The following CCSER1 variants were observed in gnomAD, a reference collection of about 807,000 sequenced individuals.
CCSER1 encodes the protein coiled-coil serine rich protein 1, also known as serine-rich coiled-coil domain-containing protein 1.
CCSER1 carries 41 observed loss-of-function variants against 82.0 expected under a neutral mutation model. The ratio of observed to expected loss-of-function variants is 0.50; its 90% CI spans 0.39 to 0.65. The LOEUF (loss-of-function observed/expected upper bound fraction) is 0.65. Ranked by LOEUF, CCSER1 falls within the 30% of genes least tolerant of loss-of-function variation. CCSER1 has a pLI of 0.00. For missense variants in CCSER1, 1,119 were observed against 1,064.2 expected (o/e 1.05, Z -0.72); for synonymous variants, 414 against 383.9 (o/e 1.08, Z -0.92).
Position 91,094,932 on chromosome 4 carries a change from G to A in CCSER1, c.2217+8938G>A, listed in dbSNP as rs542056248. 7.2e-4 allele frequency among the ~76,000 whole-genome samples: 110 copies of A among 152,250 alleles called. No individual in the cohort carries two copies. The South Asian group carries it at 0.022, about 31-fold the overall frequency. Reference sequence around the variant, plus strand: ...AAGTCTCTCCCTAAAAAGGCAAGGGGCAATCAGGTATATACAGAAATTGAT... The same window carrying A: ...AAGTCTCTCCCTAAAAAGGCAAGGGACAATCAGGTATATACAGAAATTGAT... On this transcript the variant is annotated intron_variant, in intron 10 of 10. Coordinates refer to ENST00000509176, the MANE Select transcript of CCSER1 (RefSeq NM_001145065.2).
chr4:90,818,476 C>T (rs1759326478), intron 8 of CCSER1, among the ~76,000 whole-genome samples: 1 of 152,002 alleles, frequency 6.6e-6, no homozygotes, highest in South Asian at 2.1e-4. Flanking sequence ...CGAGGTTTCG[C>T]CATGTTGGCT....
At chr4:90,661,996 C>T (rs3925223) in intron 6 of CCSER1, among the ~76,000 whole-genome samples, 8 of 143,070 alleles carry the variant, frequency 5.6e-5, no homozygotes, top group Non-Finnish European at 7.6e-5. Context: ...TTGTTTCTTT[C>T]TTTCTTTTTT....
At chr4:90,533,476 C>CAGA (rs2153631813) in intron 5 of CCSER1, among the ~76,000 whole-genome samples, 1 of 152,318 alleles carries the variant, frequency 6.6e-6, no homozygotes, top group East Asian at 1.9e-4. Context: ...TAAGGGCCAT[C>CAGA]AGAAGCCTGA....
chr4:91,408,950 G>A (rs1156536633), intron 10 of CCSER1, among the ~76,000 whole-genome samples: 1 of 152,116 alleles, frequency 6.6e-6, no homozygotes, highest in Non-Finnish European at 1.5e-5. Flanking sequence ...GGTCAGACCT[G>A]GGTGTTCATG....
At chr4:91,501,001 C>CA (rs1458924068) in intron 10 of CCSER1, among the ~76,000 whole-genome samples, 1 of 151,722 alleles carries the variant, frequency 6.6e-6, no homozygotes, top group Non-Finnish European at 1.5e-5. Context: ...ACTGGACTAT[C>CA]AGTTTCTGAT....
chr4:91,252,271 T>C (rs1181020271), intron 10 of CCSER1, among the ~76,000 whole-genome samples: 1 of 152,126 alleles, frequency 6.6e-6, no homozygotes, highest in East Asian at 1.9e-4. Flanking sequence ...ATTTAGACAT[T>C]CCCAGATAAA....
intron 7 of CCSER1, among the ~76,000 whole-genome samples, chr4:90,807,091 A>C (rs1314267525): frequency 2.0e-5 from 3 of 152,122 alleles, no homozygotes; most frequent in Non-Finnish European, 2.9e-5. Flanking sequence ...ATCAACCTCC[A>C]CAGAAATTTC....
At chr4:90,250,639 A>G (rs6848616) in intron 1 of CCSER1, among the ~76,000 whole-genome samples, 7,887 of 152,134 alleles carry the variant, frequency 0.052, 546 homozygotes, top group African/African-American at 0.16. Flanking sequence ...TTGAAATTGG[A>G]AACTGTGTGT....
chr4:90,441,762 C>T (rs1759915969), intron 4 of CCSER1, among the ~76,000 whole-genome samples: 1 of 152,176 alleles, frequency 6.6e-6, no homozygotes, highest in Admixed American at 6.5e-5. Flanking sequence ...TGCTCCTGAA[C>T]ATAATAGTTG....
intron 10 of CCSER1, among the ~76,000 whole-genome samples, chr4:91,452,283 T>C (rs866110045): frequency 6.6e-6 from 1 of 152,014 alleles, no homozygotes; most frequent in Non-Finnish European, 1.5e-5. Context: ...TGTGAAATAA[T>C]TTGAACTTGT....
At chr4:90,540,062 G>A (rs919772003) in intron 5 of CCSER1, among the ~76,000 whole-genome samples, 4 of 152,048 alleles carry the variant, frequency 2.6e-5, no homozygotes, top group African/African-American at 9.7e-5. Flanking sequence ...AAATTAGTTT[G>A]TGCAGTTAGA....
chr4:90,693,664 A>G (rs1478462341), intron 6 of CCSER1, among the ~76,000 whole-genome samples: 1 of 151,924 alleles, frequency 6.6e-6, no homozygotes, highest in African/African-American at 2.4e-5. Flanking sequence ...GTTCTTGTCA[A>G]TTCTGTAAAT....
chr4:91,172,207 A>G (rs927401117), intron 10 of CCSER1, among the ~76,000 whole-genome samples: 10 of 152,202 alleles, frequency 6.6e-5, no homozygotes, highest in Non-Finnish European at 1.2e-4. Context: ...AGATTCTATC[A>G]TCTTATTTCA....
At chr4:90,709,372 A>G (rs1318730332) in intron 6 of CCSER1, among the ~76,000 whole-genome samples, 2 of 152,084 alleles carry the variant, frequency 1.3e-5, no homozygotes, top group Non-Finnish European at 2.9e-5. Flanking sequence ...TGCACAGAGC[A>G]TCCCATCACC....
At chr4:91,374,306 C>G (rs1371545481) in intron 10 of CCSER1, among the ~76,000 whole-genome samples, 1 of 152,156 alleles carries the variant, frequency 6.6e-6, no homozygotes, top group African/African-American at 2.4e-5. Context: ...GGCTCCAAGG[C>G]TTTTAAGGAC....
At chr4:90,439,972 T>A (rs1295979505) in intron 4 of CCSER1, among the ~76,000 whole-genome samples, 2 of 152,166 alleles carry the variant, frequency 1.3e-5, no homozygotes, top group Non-Finnish European at 2.9e-5. Flanking sequence ...CCAGGAGTAC[T>A]GGATTATATC....
intron 10 of CCSER1, among the ~76,000 whole-genome samples, chr4:91,241,612 CA>C (rs1739373909): frequency 2.0e-5 from 3 of 152,238 alleles, no homozygotes; most frequent in African/African-American, 7.2e-5. Flanking sequence ...AGACATGAGG[CA>C]CCGTGCCTGG....
intron 10 of CCSER1, among the ~76,000 whole-genome samples, chr4:91,344,962 A>G (rs1285102182): frequency 1.3e-5 from 2 of 152,248 alleles, no homozygotes; most frequent in African/African-American, 4.8e-5. Context: ...TGCCAACTTA[A>G]GTAGAAAATA....
At position 90,367,293 on chromosome 4, in the gene CCSER1, A is replaced by G. The variant is rs1746443697; in HGVS notation, c.1510-32743A>G. Among the ~76,000 whole-genome samples the G allele has an allele frequency of 2.0e-5, 3 of 152,098 alleles. No homozygotes were observed. The South Asian group carries it at 6.3e-4, about 32-fold the overall frequency. ...AGTGCTATGCATTTTAGGGTAGCGA[A>G]TGAGCATGAAGGCTTTATAAGCCGG... On this transcript the variant is annotated intron_variant, in intron 3 of 10. Transcript: ENST00000509176.
Sources: allele counts gnomAD v4.1 joint callset (sites outside exome capture counted in the v4.1 genomes callset), GRCh38; gene constraint gnomAD v4.1.1; transcripts MANE v1.5; gene names NCBI Gene and HGNC (gene_info 2026-07-23, HGNC 2026-07-21).